The following SPPL2C variants were observed in gnomAD, a reference collection of about 807,000 sequenced individuals.
SPPL2C encodes signal peptide peptidase like 2C, also known as signal peptide peptidase-like 2C.
SPPL2C carries 33 observed loss-of-function variants against 38.8 expected under a neutral mutation model. That is an observed-to-expected ratio of 0.85 (90% CI 0.64 to 1.14). SPPL2C has a LOEUF of 1.14. Ranked by LOEUF, SPPL2C falls within the 50% of genes most tolerant of loss-of-function variation. The pLI is 0.00. For missense variants in SPPL2C, 899 were observed against 904.4 expected (o/e 0.99, Z 0.08); for synonymous variants, 384 against 390.7 (o/e 0.98, Z 0.20).
At position 45,846,888 on chromosome 17, in the gene SPPL2C, T is replaced by G. The variant is rs114607012; in HGVS notation, c.1982T>G (p.Leu661Arg). The change falls in exon 1 of 1, where the codon CTG (leucine) becomes CGG (arginine). Residue 661 changes from leucine to arginine, a missense_variant. By Grantham distance (102) the Leu-to-Arg change is moderately radical. Coordinates refer to ENST00000329196, the MANE Select transcript of SPPL2C (RefSeq NM_175882.3). The stretch of plus-strand genomic sequence containing the variant: ...CAGGCCCAGGCCCACGAGACTGGCC[T>G]GCCCTGGGCGGGACTCCACAAGAGG... ...HAQAQAHETG[L>R]PWAGLHKRKG... 1.3e-3 allele frequency: 2,041 copies of G among 1,608,494 alleles called. 25 individuals carry two copies. The African/African-American group carries it at 0.024, about 19-fold the overall frequency.
At position 45,846,330 on chromosome 17, in the gene SPPL2C, C is replaced by T; in HGVS notation, c.1424C>T (p.Ala475Val). The change falls in exon 1 of 1, where the codon GCC becomes GTC. Residue 475 changes from alanine to valine, a missense_variant. Ala to Val is a moderately conservative substitution (Grantham distance 64). Transcript: ENST00000329196. ...QVCSRQIYFV[A>V]CTVAYAVGLL... ...TGCTCCCGTCAGATCTACTTCGTGGCCTGCACCGTGGCCTATGCTGTGGGC... is the reference window on the plus strand; with the variant it reads ...TGCTCCCGTCAGATCTACTTCGTGGTCTGCACCGTGGCCTATGCTGTGGGC... The T allele has an allele frequency of 1.2e-6, 2 of 1,614,126 alleles. No individual in the cohort carries two copies. Among genetic ancestry groups the T allele is most frequent in the Non-Finnish European group, 1.7e-6 (2 of 1,180,012 alleles).
chr17:45,846,846 T>G lies in SPPL2C; in HGVS notation c.1940T>G (p.Leu647Arg). 6.2e-7 allele frequency: 1 copy of G among 1,613,808 alleles called. No homozygotes were observed. The highest frequency in any genetic ancestry group is 8.5e-7 in the Non-Finnish European group (1 of 1,179,960). Residue 647 changes from leucine (L) to arginine (R), a missense_variant, in exon 1 of 1, where the codon CTG becomes CGG. Physicochemically the swap from Leu to Arg is moderately radical, Grantham distance 102. Coordinates refer to ENST00000329196, the MANE Select transcript of SPPL2C (RefSeq NM_175882.3). ...LMPLMPPPSE[L>R]GHVHAQAQAH... Reference sequence around the variant, plus strand: ...CCCCTGATGCCCCCGCCCTCAGAGCTGGGCCATGTCCATGCCCAGGCCCAG... The same window carrying G: ...CCCCTGATGCCCCCGCCCTCAGAGCGGGGCCATGTCCATGCCCAGGCCCAG...
At position 45,846,922 on chromosome 17, in the gene SPPL2C, G is replaced by C; in HGVS notation, c.2016G>C (p.Leu672Phe). Residue 672 changes from leucine to phenylalanine, a missense_variant, in exon 1 of 1, where the codon TTG becomes TTC. Coordinates refer to ENST00000329196, the MANE Select transcript of SPPL2C (RefSeq NM_175882.3). ...PWAGLHKRKG[L>F]KVRKSMSTQA... is the part of the protein sequence containing the mutation. Reference sequence around the variant, plus strand: ...CGGGACTCCACAAGAGGAAGGGTTTGAAAGTAAGAAAGAGCATGTCGACCC... The same window carrying C: ...CGGGACTCCACAAGAGGAAGGGTTTCAAAGTAAGAAAGAGCATGTCGACCC... 1 of 1,581,704 alleles carries C rather than the reference G, an allele frequency of 6.3e-7. No individual in the cohort carries two copies. Among genetic ancestry groups the C allele is most frequent in the South Asian group, 1.1e-5 (1 of 89,346 alleles).
Position 45,846,856 on chromosome 17 carries a change from C to A in SPPL2C, c.1950C>A (p.Val650=), listed in dbSNP as rs367870678. The A allele has an allele frequency of 3.1e-6, 5 of 1,613,310 alleles. No individual in the cohort carries two copies. The Admixed American group carries it at 5.0e-5, about 16-fold the overall frequency. ...LMPPPSELGH[V]HAQAQAHETG... is the part of the protein sequence containing the mutation. ...CCCCGCCCTCAGAGCTGGGCCATGT[C>A]CATGCCCAGGCCCAGGCCCACGAGA... The change falls in exon 1 of 1, where the codon GTC becomes GTA. Residue 650 remains valine (V), a synonymous_variant. Transcript: ENST00000329196.
chr17:45,845,120 G>T lies in SPPL2C; in HGVS notation c.214G>T (p.Gly72Cys). The T allele has an allele frequency of 6.2e-7, 1 of 1,610,918 alleles. No homozygotes were observed. The highest frequency in any genetic ancestry group is 8.5e-7 in the Non-Finnish European group (1 of 1,177,462). ...YDGTKAPWCP[G>C]EDSPHQAQLR... ...TGGCACCAAGGCACCCTGGTGCCCGGGTGAGGATTCCCCCCACCAGGCCCA... is the reference window on the plus strand; with the variant it reads ...TGGCACCAAGGCACCCTGGTGCCCGTGTGAGGATTCCCCCCACCAGGCCCA... Residue 72 changes from glycine to cysteine, a missense_variant, in exon 1 of 1, where the codon GGT becomes TGT. Physicochemically the swap from Gly to Cys is radical, Grantham distance 159. Transcript: ENST00000329196.
At position 45,845,273 on chromosome 17, in the gene SPPL2C, C is replaced by A. The variant is rs772195328; in HGVS notation, c.367C>A (p.Arg123=). ...TGCCCACGGGCTGCTCATCGTGAGCCGGGTCAGTGACCAACAGTGCTCAGA... is the reference window on the plus strand; with the variant it reads ...TGCCCACGGGCTGCTCATCGTGAGCAGGGTCAGTGACCAACAGTGCTCAGA... ...QGAHGLLIVS[R]VSDQQCSDTT... Residue 123 remains arginine, a synonymous_variant, in exon 1 of 1, where the codon CGG becomes AGG. Transcript: ENST00000329196. The A allele has an allele frequency of 6.2e-7, 1 of 1,613,940 alleles. No homozygotes were observed.
rs370482518 is a variant in SPPL2C, at chr17:45,846,338, G to A, written c.1432G>A (p.Val478Met). 33 of 1,613,894 alleles carry A rather than the reference G, an allele frequency of 2.0e-5. No homozygotes were observed. The highest frequency in any genetic ancestry group is 1.1e-4 in the East Asian group (5 of 44,902). ...SRQIYFVACT[V>M]AYAVGLLVTF... ...TCAGATCTACTTCGTGGCCTGCACC[G>A]TGGCCTATGCTGTGGGCCTGCTGGT... Residue 478 changes from valine (V) to methionine (M), a missense_variant, in exon 1 of 1, where the codon GTG (valine) becomes ATG (methionine). Val to Met is a conservative substitution (Grantham distance 21). Coordinates refer to ENST00000329196, the MANE Select transcript of SPPL2C (RefSeq NM_175882.3).
Position 45,846,404 on chromosome 17 carries a change from G to T in SPPL2C, c.1498G>T (p.Ala500Ser). The change falls in exon 1 of 1, where the codon GCC becomes TCC. Residue 500 changes from alanine to serine, a missense_variant. Physicochemically the swap from Ala to Ser is moderately conservative, Grantham distance 99. Transcript: ENST00000329196. The part of the protein sequence containing the change: ...AMVLMQMGQP[A>S]LLYLVSSTLL... Reference sequence around the variant, plus strand: ...GGTCCTCATGCAGATGGGCCAACCTGCCTTGCTCTACCTAGTGTCCAGCAC... The same window carrying T: ...GGTCCTCATGCAGATGGGCCAACCTTCCTTGCTCTACCTAGTGTCCAGCAC... The T allele has an allele frequency of 1.2e-6, 2 of 1,613,394 alleles. No homozygotes were observed. The highest frequency in any genetic ancestry group is 8.5e-7 in the Non-Finnish European group (1 of 1,180,028).
chr17:45,845,783 C>T lies in SPPL2C; in HGVS notation c.877C>T (p.Leu293Phe). The change falls in exon 1 of 1, where the codon CTC (leucine) becomes TTC (phenylalanine). Residue 293 changes from leucine (L) to phenylalanine (F), a missense_variant. Transcript: ENST00000329196. Reference sequence around the variant, plus strand: ...CTTTGGCCTGGGTGCTGGCATTGGCCTCTACAGCTGCCTGTCACCCCTGGT... The same window carrying T: ...CTTTGGCCTGGGTGCTGGCATTGGCTTCTACAGCTGCCTGTCACCCCTGGT... ...GIFGLGAGIG[L>F]YSCLSPLVCR... is the part of the protein sequence containing the mutation. 1 of 1,610,780 alleles carries T rather than the reference C, an allele frequency of 6.2e-7. No homozygotes were observed. The highest frequency in any genetic ancestry group is 8.5e-7 in the Non-Finnish European group (1 of 1,179,982).
chr17:45,846,590 G>C lies in SPPL2C; in HGVS notation c.1684G>C (p.Glu562Gln). The C allele has an allele frequency of 6.2e-7, 1 of 1,613,800 alleles. No homozygotes were observed. Among genetic ancestry groups the C allele is most frequent in the African/African-American group, 1.3e-5 (1 of 75,070 alleles). Residue 562 changes from glutamate (E) to glutamine (Q), a missense_variant, in exon 1 of 1, where the codon GAG becomes CAG. Glu to Gln is a conservative substitution (Grantham distance 29). Transcript: ENST00000329196. ...AADAHTASTL[E>Q]RGTSRGAGDL... ...AGATGCCCACACAGCCAGCACACTT[G>C]AGAGAGGCACCAGCCGAGGAGCAGG... is the stretch of plus-strand genomic sequence containing the variant.
rs2062550011 is a variant in SPPL2C at position 45,846,629 on chromosome 17, A to C, written c.1723A>C (p.Asn575His). The stretch of plus-strand genomic sequence containing the variant: ...CCGAGGAGCAGGGGACTTAGACAGC[A>C]ACCCTGGAGAAGACACCACTGAGAT... ...TSRGAGDLDSNPGEDTTEIVT... is the reference protein window; with the variant it reads ...TSRGAGDLDSHPGEDTTEIVT... The change falls in exon 1 of 1, where the codon AAC becomes CAC. Residue 575 changes from asparagine to histidine, a missense_variant. By Grantham distance (68) the Asn-to-His change is moderately conservative. Coordinates refer to ENST00000329196, the MANE Select transcript of SPPL2C (RefSeq NM_175882.3). 2 of 1,614,120 alleles carry C rather than the reference A, an allele frequency of 1.2e-6. No homozygotes were observed. Among genetic ancestry groups the C allele is most frequent in the Admixed American group, 1.7e-5 (1 of 60,012 alleles).
In SPPL2C at chr17:45,844,954, C is replaced by T; in HGVS notation, c.48C>T (p.Ile16=). ...TCCCCGTGGGCTTCCTCCTCCTCAT[C>T]AGCACCGTGGCCGGGGGAAAGTACG... ...FLLPVGFLLL[I]STVAGGKYGV... is the part of the protein sequence containing the mutation. The change falls in exon 1 of 1, where the codon ATC becomes ATT. Residue 16 remains isoleucine, a synonymous_variant. Coordinates refer to ENST00000329196, the MANE Select transcript of SPPL2C (RefSeq NM_175882.3). 1.2e-6 allele frequency: 2 copies of T among 1,613,942 alleles called. No homozygotes were observed. Among genetic ancestry groups the T allele is most frequent in the Non-Finnish European group, 1.7e-6 (2 of 1,179,850 alleles).
Position 45,846,449 on chromosome 17 carries a change from G to C in SPPL2C, c.1543G>C (p.Val515Leu). ...VSSTLLTSLA[V>L]AACRQELSLF... is the part of the protein sequence containing the mutation. ...CAGCACCCTGCTCACCAGCCTGGCT[G>C]TGGCTGCCTGCCGCCAAGAGCTCAG... The change falls in exon 1 of 1, where the codon GTG becomes CTG. Residue 515 changes from valine to leucine, a missense_variant. By Grantham distance (32) the Val-to-Leu change is conservative. Coordinates refer to ENST00000329196, the MANE Select transcript of SPPL2C (RefSeq NM_175882.3). 6.2e-7 allele frequency: 1 copy of C among 1,612,918 alleles called. No homozygotes were observed. Among genetic ancestry groups the C allele is most frequent in the Non-Finnish European group, 8.5e-7 (1 of 1,180,032 alleles).
Position 45,845,192 on chromosome 17 carries a change from G to T in SPPL2C, c.286G>T (p.Val96Phe). The change falls in exon 1 of 1, where the codon GTC becomes TTC. Residue 96 changes from valine (V) to phenylalanine (F), a missense_variant. Coordinates refer to ENST00000329196, the MANE Select transcript of SPPL2C (RefSeq NM_175882.3). ...GCCCCTCCGCCAGACCACTGCCATGGTCATGAGGGGTAACTGCAGCTTCCA... is the reference window on the plus strand; with the variant it reads ...GCCCCTCCGCCAGACCACTGCCATGTTCATGAGGGGTAACTGCAGCTTCCA... ...QRPLRQTTAMVMRGNCSFHTK... is the reference protein window; with the variant it reads ...QRPLRQTTAMFMRGNCSFHTK... The T allele has an allele frequency of 6.2e-7, 1 of 1,613,784 alleles. No individual in the cohort carries two copies. The highest frequency in any genetic ancestry group is 1.1e-5 in the South Asian group (1 of 91,074).
At position 45,845,893 on chromosome 17, in the gene SPPL2C, C is replaced by A. The variant is rs751557549; in HGVS notation, c.987C>A (p.Ser329Arg). The change falls in exon 1 of 1, where the codon AGC (serine) becomes AGA (arginine). Residue 329 changes from serine to arginine, a missense_variant. By Grantham distance (110) the Ser-to-Arg change is moderately radical. Transcript: ENST00000329196. ...CGCTGCCTCTGCTGCTGCTGGCGAGCCTGTGCGCAACCGTGATCATCTTCT... is the reference window on the plus strand; with the variant it reads ...CGCTGCCTCTGCTGCTGCTGGCGAGACTGTGCGCAACCGTGATCATCTTCT... ...SLPLPLLLLA[S>R]LCATVIIFWV... The A allele has an allele frequency of 3.7e-6, 6 of 1,606,258 alleles. No individual in the cohort carries two copies. The Admixed American group carries it at 1.0e-4, about 27-fold the overall frequency.
At position 45,845,796 on chromosome 17, in the gene SPPL2C, T is replaced by A. The variant is rs369312392; in HGVS notation, c.890T>A (p.Leu297Gln). 6.2e-7 allele frequency: 1 copy of A among 1,609,762 alleles called. No homozygotes were observed. Among genetic ancestry groups the A allele is most frequent in the African/African-American group, 1.3e-5 (1 of 75,056 alleles). Reference sequence around the variant, plus strand: ...GCTGGCATTGGCCTCTACAGCTGCCTGTCACCCCTGGTGTGCCGCCTGTCC... The same window carrying A: ...GCTGGCATTGGCCTCTACAGCTGCCAGTCACCCCTGGTGTGCCGCCTGTCC... The part of the protein sequence containing the change: ...LGAGIGLYSC[L>Q]SPLVCRLSLR... Residue 297 changes from leucine (L) to glutamine (Q), a missense_variant, in exon 1 of 1, where the codon CTG (leucine) becomes CAG (glutamine). Coordinates refer to ENST00000329196, the MANE Select transcript of SPPL2C (RefSeq NM_175882.3).
In SPPL2C at chr17:45,845,160, G is replaced by A. The variant is rs202072885; in HGVS notation, c.254G>A (p.Ser85Asn). Reference protein sequence around the residue: ...SPHQAQLRSPSQRPLRQTTAM... With the variant: ...SPHQAQLRSPNQRPLRQTTAM... ...CACCAGGCCCAGCTCCGCTCCCCCA[G>A]CCAGCGGCCCCTCCGCCAGACCACT... is the stretch of plus-strand genomic sequence containing the variant. The change falls in exon 1 of 1, where the codon AGC becomes AAC. Residue 85 changes from serine (S) to asparagine (N), a missense_variant. By Grantham distance (46) the Ser-to-Asn change is conservative (BLOSUM62 1). Transcript: ENST00000329196. 3 of 1,612,402 alleles carry A rather than the reference G, an allele frequency of 1.9e-6. No homozygotes were observed. The highest frequency in any genetic ancestry group is 2.2e-5 in the East Asian group (1 of 44,810).
Position 45,846,387 on chromosome 17 carries a change from T to G in SPPL2C, c.1481T>G (p.Met494Arg), listed in dbSNP as rs146712594. The G allele has an allele frequency of 3.4e-4, 556 of 1,613,696 alleles. 4 individuals carry two copies. The highest frequency in any genetic ancestry group is 2.1e-3 in the South Asian group (195 of 91,084). ...LLVTFMAMVL[M>R]QMGQPALLYL... is the part of the protein sequence containing the mutation. ...GTCACATTCATGGCCATGGTCCTCATGCAGATGGGCCAACCTGCCTTGCTC... is the reference window on the plus strand; with the variant it reads ...GTCACATTCATGGCCATGGTCCTCAGGCAGATGGGCCAACCTGCCTTGCTC... Residue 494 changes from methionine to arginine, a missense_variant, in exon 1 of 1, where the codon ATG (methionine) becomes AGG (arginine). Coordinates refer to ENST00000329196, the MANE Select transcript of SPPL2C (RefSeq NM_175882.3).
Position 45,846,056 on chromosome 17 carries a change from G to A in SPPL2C, c.1150G>A (p.Ala384Thr), listed in dbSNP as rs138116075. The A allele has an allele frequency of 8.1e-6, 13 of 1,614,164 alleles. No individual in the cohort carries two copies. In the East Asian group the frequency reaches 2.7e-4, roughly 33 times the overall value. The change falls in exon 1 of 1, where the codon GCC becomes ACC. Residue 384 changes from alanine (A) to threonine (T), a missense_variant. Physicochemically the swap from Ala to Thr is moderately conservative, Grantham distance 58. Transcript: ENST00000329196. ...NCSSFLLALLAFDVFFVFVTP... is the reference protein window; with the variant it reads ...NCSSFLLALLTFDVFFVFVTP... ...CTCCTCCTTCCTGCTGGCCCTGCTG[G>A]CCTTTGATGTCTTCTTTGTCTTCGT... is the stretch of plus-strand genomic sequence containing the variant.
Sources: allele counts gnomAD v4.1 joint callset, GRCh38; gene constraint gnomAD v4.1.1; transcripts MANE v1.5; gene names NCBI Gene and HGNC (gene_info 2026-07-23, HGNC 2026-07-21).